NRG1: variants seen among roughly 807,000 people sequenced by gnomAD.
NRG1 encodes the protein pro-neuregulin-1, membrane-bound isoform.
A neutral mutation model predicts 63.8 loss-of-function variants in NRG1; 18 were observed. That is an observed-to-expected ratio of 0.28 (90% CI 0.19 to 0.42). The LOEUF (loss-of-function observed/expected upper bound fraction) is 0.42, where lower values mean the gene tolerates loss of function less well. Ranked by LOEUF, NRG1 falls within the 10% of genes least tolerant of loss-of-function variation. The probability of loss-of-function intolerance (pLI) is 1.00; values close to 1 mark genes in which losing one functional copy is unlikely to be tolerated. For missense variants in NRG1, 762 were observed against 814.7 expected (o/e 0.94, Z 0.79); for synonymous variants, 302 against 301.3 (o/e 1.00, Z -0.02).
chr8:31,980,226 A>G (rs549551483), intron 1 of NRG1, among the ~76,000 whole-genome samples: 1 of 152,136 alleles, frequency 6.6e-6, no homozygotes, highest in South Asian at 2.1e-4. Context: ...AACTACTTAC[A>G]TGTTTTGTTG....
chr8:32,115,853 T>A (rs1017702616), intron 1 of NRG1, among the ~76,000 whole-genome samples: 4 of 152,196 alleles, frequency 2.6e-5, no homozygotes, highest in Middle Eastern at 3.4e-3. Context: ...AACAAAATAG[T>A]GTGGCTGCCA....
At chr8:32,166,074 G>A (rs545095217) in intron 1 of NRG1, among the ~76,000 whole-genome samples, 8 of 152,266 alleles carry the variant, frequency 5.3e-5, no homozygotes, top group South Asian at 2.1e-4. Context: ...GGAAGTAAAT[G>A]TCATGCTGTG....
chr8:31,707,731 A>G (rs972579882), intron 1 of NRG1, among the ~76,000 whole-genome samples: 1 of 152,032 alleles, frequency 6.6e-6, no homozygotes. Context: ...TATCTTTTTC[A>G]TCACTGTTGT....
At chr8:31,980,895 T>C (rs575989904) in intron 1 of NRG1, among the ~76,000 whole-genome samples, 3 of 152,200 alleles carry the variant, frequency 2.0e-5, no homozygotes, top group Admixed American at 2.0e-4. Flanking sequence ...ATAAAAATTA[T>C]ATGTCAATGA....
intron 1 of NRG1, among the ~76,000 whole-genome samples, chr8:31,901,324 G>A (rs1585617937): frequency 6.6e-6 from 1 of 152,144 alleles, no homozygotes; most frequent in Admixed American, 6.5e-5. Flanking sequence ...GGTCATTGCT[G>A]AGGAAAACTA....
intron 1 of NRG1, among the ~76,000 whole-genome samples, chr8:32,311,710 A>G (rs1856819537): frequency 6.6e-6 from 1 of 152,210 alleles, no homozygotes; most frequent in South Asian, 2.1e-4. Flanking sequence ...TGCATGCTGA[A>G]TAGATTTTTT....
chr8:32,599,165 T>C (rs965542750), intron 2 of NRG1, among the ~76,000 whole-genome samples: 4 of 152,130 alleles, frequency 2.6e-5, no homozygotes, highest in African/African-American at 9.6e-5. Context: ...GATGCATTTA[T>C]ATATTACTAT....
chr8:31,757,655 G>A (rs530523965), intron 1 of NRG1, among the ~76,000 whole-genome samples: 2 of 152,200 alleles, frequency 1.3e-5, no homozygotes, highest in East Asian at 3.9e-4. Context: ...CTCAGTTTAT[G>A]TCCTGTAGGA....
chr8:32,665,724 T>C lies in NRG1; in HGVS notation c.502+48839T>C, dbSNP rs1033543676. 3.3e-5 allele frequency among the ~76,000 whole-genome samples: 5 copies of C among 152,226 alleles called. No individual in the cohort carries two copies. In the South Asian group the frequency reaches 1.0e-3, roughly 32 times the overall value. ...GCTGCTCAAAAACAAGCCATTGATATTAGACGTGTATCAAGCATACGTGGT... is the reference window on the plus strand; with the variant it reads ...GCTGCTCAAAAACAAGCCATTGATACTAGACGTGTATCAAGCATACGTGGT... On this transcript the variant is annotated intron_variant, in intron 5 of 11. Transcript: ENST00000356819.
intron 1 of NRG1, among the ~76,000 whole-genome samples, chr8:31,795,484 C>T (rs1338235281): frequency 6.6e-6 from 1 of 152,138 alleles, no homozygotes; most frequent in African/African-American, 2.4e-5. Context: ...GCATGTCTTC[C>T]GGGAGCTATC....
intron 1 of NRG1, among the ~76,000 whole-genome samples, chr8:32,104,065 A>G (rs1435165095): frequency 6.6e-6 from 1 of 152,162 alleles, no homozygotes; most frequent in Non-Finnish European, 1.5e-5. Flanking sequence ...GGATACTTTG[A>G]TAAATGCATT....
At chr8:32,015,694 T>C (rs747498399) in intron 1 of NRG1, among the ~76,000 whole-genome samples, 6 of 152,048 alleles carry the variant, frequency 3.9e-5, no homozygotes, top group Non-Finnish European at 8.8e-5. Context: ...TCACAAAAAA[T>C]TACAAACAGC....
intron 1 of NRG1, chr8:32,256,434 AC>A (rs1849708277): frequency 6.6e-6 from 1 of 152,032 alleles, no homozygotes; most frequent in Non-Finnish European, 1.5e-5. Flanking sequence ...TTTCCTTCTA[AC>A]AGGCCTCTCT....
At chr8:32,760,433 A>G in intron 11 of NRG1, 27 bp downstream of exon 11, 1 of 1,611,914 alleles carries the variant, frequency 6.2e-7, no homozygotes, top group Non-Finnish European at 8.5e-7. Flanking sequence ...AAGCTACTGC[A>G]GAGGAGAAAC....
chr8:32,311,411 A>G (rs939645941), intron 1 of NRG1, among the ~76,000 whole-genome samples: 12 of 152,160 alleles, frequency 7.9e-5, no homozygotes, highest in Admixed American at 7.9e-4. Context: ...TGAAGCTGAG[A>G]GTTCAAATGC....
rs568839308 is a variant in NRG1, at chr8:31,916,847, C to A, written c.37+277416C>A. On this transcript the variant is annotated intron_variant, in intron 1 of 10. Coordinates refer to the NRG1 transcript ENST00000519301. The stretch of plus-strand genomic sequence containing the variant: ...CAATGTAAAAGTGTTCCTATTTCTT[C>A]ACATCCTCTCCAGCACCTGTTCTTT... 9.2e-5 allele frequency among the ~76,000 whole-genome samples: 14 copies of A among 151,596 alleles called. No homozygotes were observed. In the South Asian group the frequency reaches 2.9e-3, roughly 32 times the overall value.
chr8:32,591,279 C>T (rs1481832786), intron 1 of NRG1, among the ~76,000 whole-genome samples: 1 of 152,128 alleles, frequency 6.6e-6, no homozygotes, highest in Non-Finnish European at 1.5e-5. Context: ...TGAGCTTTTC[C>T]ACATCTGATG....
chr8:32,557,649 A>G (rs1351427192), intron 1 of NRG1, among the ~76,000 whole-genome samples: 2 of 152,194 alleles, frequency 1.3e-5, no homozygotes, highest in Non-Finnish European at 2.9e-5. Flanking sequence ...AAAATAGATT[A>G]TGATTATAAT....
At chr8:32,304,319 G>A (rs557334483) in intron 1 of NRG1, among the ~76,000 whole-genome samples, 40 of 152,344 alleles carry the variant, frequency 2.6e-4, no homozygotes, top group African/African-American at 8.7e-4. Context: ...GGAAGGCATG[G>A]ATATGTATCT....
Sources: allele counts gnomAD v4.1 joint callset (sites outside exome capture counted in the v4.1 genomes callset), GRCh38; gene constraint gnomAD v4.1.1; transcripts MANE v1.5; gene names NCBI Gene and HGNC (gene_info 2026-07-23, HGNC 2026-07-21).